The following RAB14 variants were observed in gnomAD, a reference collection of about 807,000 sequenced individuals.
The protein encoded by RAB14 is RAB14, member RAS oncogene family.
A neutral mutation model predicts 31.1 loss-of-function variants in RAB14; 3 were observed. That is an observed-to-expected ratio of 0.10 (90% CI 0.04 to 0.25). The LOEUF (loss-of-function observed/expected upper bound fraction) is 0.25. Ranked by LOEUF, RAB14 falls within the 10% of genes least tolerant of loss-of-function variation. RAB14 has a pLI of 1.00. For synonymous variants in RAB14, 85 were observed against 84.9 expected (o/e 1.00, Z 0.00); for missense variants, 111 against 260.1 (o/e 0.43, Z 3.94).
rs758719617 is a variant in RAB14 at position 121,182,955 on chromosome 9, A to G, written c.445T>C (p.Leu149=). The G allele has an allele frequency of 3.7e-6, 6 of 1,606,078 alleles. No individual in the cohort carries two copies. In the East Asian group the frequency reaches 1.1e-4, roughly 30 times the overall value. Residue 149 remains leucine, a synonymous_variant, in exon 7 of 8, where the codon TTG becomes CTG. Coordinates refer to ENST00000373840, the MANE Select transcript of RAB14 (RefSeq NM_016322.4). ...GTTTTTGCACTCGCTTCGAGGAACA[A>G]TAAGCCTAAAAATAAAATTCAGACT... ...AKQFAEENGL[L]FLEASAKTGE...
In RAB14 at chr9:121,188,369, G is replaced by GTGAA. The variant is rs2053669168; in HGVS notation, c.285-1354_285-1351dup. Among the ~76,000 whole-genome samples the GTGAA allele has an allele frequency of 2.0e-5, 3 of 151,992 alleles. No homozygotes were observed. The South Asian group carries it at 6.2e-4, about 32-fold the overall frequency. On this transcript the variant is annotated intron_variant, in intron 4 of 7. Coordinates refer to ENST00000373840, the MANE Select transcript of RAB14 (RefSeq NM_016322.4). The stretch of plus-strand genomic sequence containing the variant: ...TAAAATTTCAAAGCTGACACAGAGA[G>GTGAA]TGAAGTACACAGAAAAGCCTAGTAC...
chr9:121,186,157 C>T (rs2053658066), intron 5 of RAB14, among the ~76,000 whole-genome samples: 1 of 152,130 alleles, frequency 6.6e-6, no homozygotes, highest in African/African-American at 2.4e-5. Flanking sequence ...CTGGCATACC[C>T]TCAACAATAT....
Position 121,181,355 on chromosome 9 carries a change from A to G in RAB14, c.*41T>C. 1 of 1,514,012 alleles carries G rather than the reference A, an allele frequency of 6.6e-7. No homozygotes were observed. The highest frequency in any genetic ancestry group is 9.0e-7 in the Non-Finnish European group (1 of 1,115,986). 93.8% of individuals were successfully genotyped at this position (1,514,012 alleles called of 1,614,324 possible). A position where few individuals can be genotyped will look rare whatever the true frequency, so the allele number is the denominator to read the frequency against. On this transcript the variant is annotated 3_prime_UTR_variant, in exon 8 of 8. Coordinates refer to ENST00000373840, the MANE Select transcript of RAB14 (RefSeq NM_016322.4). ...GTAAAAAGTACTGCTTCCAACAGAC[A>G]GAGGTGAAAGGTCAAATGAGGGGCC...
At chr9:121,199,433 T>C (rs2053738880) in intron 1 of RAB14, among the ~76,000 whole-genome samples, 1 of 152,244 alleles carries the variant, frequency 6.6e-6, no homozygotes, top group African/African-American at 2.4e-5. Flanking sequence ...TTTTACCACA[T>C]AAAAATGTTT....
rs754517617 is a variant in RAB14 at position 121,181,553 on chromosome 9, G to C, written c.491C>G (p.Ala164Gly). 1.2e-6 allele frequency: 2 copies of C among 1,611,802 alleles called. No individual in the cohort carries two copies. The highest frequency in any genetic ancestry group is 1.7e-6 in the Non-Finnish European group (2 of 1,178,276). The change falls in exon 8 of 8, where the codon GCC becomes GGC. Residue 164 changes from alanine (A) to glycine (G), a missense_variant. Transcript: ENST00000373840. ...GATTTTCTTGGCAGCCTCAAGGAAG[G>C]CATCTTCTACATTCTCTCCCCTAAG... ...SAKTGENVED[A>G]FLEAAKKIYQ...
rs2132020071 is a variant in RAB14, at chr9:121,180,248, T to C, written c.*1148A>G. ...TTAACAGCAGACCTGTGGTTCTGAC[T>C]GTCCAGTTCAGAATCTGACCATTCC... On this transcript the variant is annotated 3_prime_UTR_variant, in exon 8 of 8. Transcript: ENST00000373840. The C allele has an allele frequency of 6.5e-6, 1 of 152,794 alleles. No homozygotes were observed. The highest frequency in any genetic ancestry group is 3.4e-3 in the Middle Eastern group (1 of 294). The allele number at this position is 152,794 out of a possible 1,614,324, so 9.5% of individuals were successfully genotyped here.
intron 5 of RAB14, among the ~76,000 whole-genome samples, chr9:121,186,416 A>G (rs1217792592): frequency 1.3e-5 from 2 of 152,184 alleles, no homozygotes; most frequent in African/African-American, 4.8e-5. Flanking sequence ...AGAGTCTAGC[A>G]TGGTGGCTAG....
chr9:121,197,620 G>T (rs572816009), intron 1 of RAB14, among the ~76,000 whole-genome samples: 21 of 152,226 alleles, frequency 1.4e-4, no homozygotes, highest in Admixed American at 5.2e-4. Flanking sequence ...ACATATAAAC[G>T]ACTAGTTTTG....
At position 121,190,565 on chromosome 9, in the gene RAB14, A is replaced by G; in HGVS notation, c.273T>C (p.Tyr91=). ...AAATTATCTCTTACCTAGTGATATC[A>G]TAGACCATAAGAGCTCCCGCAGCTC... ...YRGAAGALMV[Y]DITRRSTYNH... The change falls in exon 4 of 8, where the codon TAT becomes TAC. Residue 91 remains tyrosine, a synonymous_variant. Coordinates refer to ENST00000373840, the MANE Select transcript of RAB14 (RefSeq NM_016322.4). 6.2e-7 allele frequency: 1 copy of G among 1,610,352 alleles called. No homozygotes were observed. Among genetic ancestry groups the G allele is most frequent in the Non-Finnish European group, 8.5e-7 (1 of 1,178,022 alleles).
chr9:121,182,511 T>C (rs529543738), intron 7 of RAB14, among the ~76,000 whole-genome samples: 2 of 152,384 alleles, frequency 1.3e-5, no homozygotes, highest in African/African-American at 2.4e-5. Flanking sequence ...ATGTTCACTA[T>C]GCTTCTGAGT....
At position 121,182,183 on chromosome 9, in the gene RAB14, T is replaced by C. The variant is rs141477227; in HGVS notation, c.471-610A>G. Among the ~76,000 whole-genome samples the C allele has an allele frequency of 3.5e-3, 535 of 152,322 alleles. 3 individuals are homozygous for C. The highest frequency in any genetic ancestry group is 0.012 in the African/African-American group (501 of 41,562). On this transcript the variant is annotated intron_variant, in intron 7 of 7. Coordinates refer to ENST00000373840, the MANE Select transcript of RAB14 (RefSeq NM_016322.4). The stretch of plus-strand genomic sequence containing the variant: ...TTAATACACACCATGACAATTCAGA[T>C]AGGTCATTTCTGTGATAACAGAGAG...
At chr9:121,184,166 T>C (rs1003769137) in intron 5 of RAB14, among the ~76,000 whole-genome samples, 1 of 152,108 alleles carries the variant, frequency 6.6e-6, no homozygotes, top group Non-Finnish European at 1.5e-5. Flanking sequence ...ACACTATCCC[T>C]AGAAAGGATT....
At chr9:121,199,111 T>G (rs2053734928) in intron 1 of RAB14, among the ~76,000 whole-genome samples, 1 of 152,092 alleles carries the variant, frequency 6.6e-6, no homozygotes, top group Non-Finnish European at 1.5e-5. Context: ...AGAAAGCACT[T>G]AACAACCAAA....
Position 121,181,291 on chromosome 9 carries a change from T to A in RAB14, c.*105A>T, listed in dbSNP as rs540060308. The stretch of plus-strand genomic sequence containing the variant: ...TACAACAGAGTTTTTTCTTTTTTTT[T>A]AATTAAACCCAGTAAGATGTACAGA... On this transcript the variant is annotated 3_prime_UTR_variant, in exon 8 of 8. Coordinates refer to ENST00000373840, the MANE Select transcript of RAB14 (RefSeq NM_016322.4). The A allele has an allele frequency of 1.5e-5, 18 of 1,197,210 alleles. No individual in the cohort carries two copies. Among genetic ancestry groups the A allele is most frequent in the African/African-American group, 7.6e-5 (5 of 66,020 alleles). 74.2% of individuals were successfully genotyped at this position (1,197,210 alleles called of 1,614,324 possible). A position where few individuals can be genotyped will look rare whatever the true frequency, so the allele number is the denominator to read the frequency against.
At chr9:121,201,058 ACCCCGG>A (rs1248737254) in intron 1 of RAB14, among the ~76,000 whole-genome samples, 15 of 151,390 alleles carry the variant, frequency 9.9e-5, no homozygotes, top group African/African-American at 3.4e-4. Flanking sequence ...ACAGACCCAG[ACCCCGG>A]CCCCGGCCCG....
At position 121,180,813 on chromosome 9, in the gene RAB14, G is replaced by A. The variant is rs995259979; in HGVS notation, c.*583C>T. ...AAAGATAAAGCTATTAATTAAGCAC[G>A]AGAGAGAAGATAAATGGATATTTTC... On this transcript the variant is annotated 3_prime_UTR_variant, in exon 8 of 8. Coordinates refer to ENST00000373840, the MANE Select transcript of RAB14 (RefSeq NM_016322.4). The A allele has an allele frequency of 1.2e-4, 18 of 152,630 alleles. No individual in the cohort carries two copies. The highest frequency in any genetic ancestry group is 3.6e-4 in the African/African-American group (15 of 41,448). The allele number at this position is 152,630 out of a possible 1,614,324, so 9.5% of individuals were successfully genotyped here.
intron 1 of RAB14, among the ~76,000 whole-genome samples, chr9:121,198,036 C>A (rs528775609): frequency 6.6e-6 from 1 of 151,966 alleles, no homozygotes; most frequent in African/African-American, 2.4e-5. Context: ...CACACACACA[C>A]ACACACACTC....
chr9:121,198,938 T>TA (rs5900475), intron 1 of RAB14, among the ~76,000 whole-genome samples: 101,400 of 150,438 alleles, frequency 0.67, 34,785 homozygotes, highest in East Asian at 0.95. Context: ...CCCACCCACT[T>TA]AAAAAAAAAA....
At chr9:121,190,873 A>AT in intron 3 of RAB14, 142 bp from the exon 4 acceptor site, 2 of 764,924 alleles carry the variant, frequency 2.6e-6, no homozygotes, top group Non-Finnish European at 4.0e-6. Context: ...TAAAAAAAAA[A>AT]TTAACAAACA....
Sources: allele counts gnomAD v4.1 joint callset (sites outside exome capture counted in the v4.1 genomes callset), GRCh38; gene constraint gnomAD v4.1.1; transcripts MANE v1.5; gene names NCBI Gene and HGNC (gene_info 2026-07-23, HGNC 2026-07-21).